The following FAT2 variants were observed in gnomAD, a reference collection of about 807,000 sequenced individuals.
The protein encoded by FAT2 is FAT atypical cadherin 2.
FAT2 carries 150 observed loss-of-function variants against 295.3 expected under a neutral mutation model. The observed-to-expected ratio is 0.51, with a 90% CI of 0.44 to 0.58. The LOEUF (loss-of-function observed/expected upper bound fraction) is 0.58, where lower values mean the gene tolerates loss of function less well. FAT2 is among the 20% of genes least tolerant of loss of function. The pLI, the probability that FAT2 is intolerant of heterozygous loss-of-function variation, is 0.00. For synonymous variants in FAT2, 2,026 were observed against 2,150.3 expected (o/e 0.94, Z 1.60); for missense variants, 4,868 against 5,442.7 (o/e 0.89, Z 3.32).
rs776586109 is a variant in FAT2 at position 151,512,178 on chromosome 5, C to T, written c.11892G>A (p.Trp3964Ter). The change falls in exon 21 of 24, where the codon TGG (tryptophan) becomes TGA (stop). Residue 3964 changes from tryptophan (W) to a stop codon, truncating the protein, a stop_gained. Coordinates refer to ENST00000261800, the MANE Select transcript of FAT2 (RefSeq NM_001447.3). LOFTEE classifies it high-confidence loss of function. The surrounding 1 kb of genome is among the most constrained non-coding windows in gnomAD (Gnocchi z 4.1). ...CCCAGCCCTCACCTGCCCCATGGGT[C>T]CATGAGCACTTCCCACCATTGAGGC... ...NTCLNGGKCSWTHGAGYVCKC... is the reference protein window; with the variant it reads ...NTCLNGGKCS 6.2e-6 allele frequency: 10 copies of T among 1,613,324 alleles called. No homozygotes were observed. Among genetic ancestry groups the T allele is most frequent in the Non-Finnish European group, 8.5e-6 (10 of 1,179,416 alleles).
rs142781014 is a variant in FAT2, at chr5:151,566,484, G to A, written c.2448C>T (p.Asn816=). 1,023 of 1,613,866 alleles carry A rather than the reference G, an allele frequency of 6.3e-4. 2 individuals are homozygous for A. Among genetic ancestry groups the A allele is most frequent in the Non-Finnish European group, 6.4e-4 (761 of 1,179,926 alleles). The change falls in exon 2 of 24, where the codon AAC becomes AAT. Residue 816 remains asparagine (N), a synonymous_variant. Coordinates refer to ENST00000261800, the MANE Select transcript of FAT2 (RefSeq NM_001447.3). The part of the protein sequence containing the change: ...LTVNVKDWND[N]APRFPPGGYQ... The stretch of plus-strand genomic sequence containing the variant: ...ACCCACCGGGAGGAAATCTGGGTGC[G>A]TTGTCATTCCAGTCTTTCACATTCA...
Position 151,568,097 on chromosome 5 carries a change from C to T in FAT2, c.835G>A (p.Ala279Thr), listed in dbSNP as rs1561877937. 6.2e-7 allele frequency: 1 copy of T among 1,614,192 alleles called. No homozygotes were observed. Residue 279 changes from alanine (A) to threonine (T), a missense_variant, in exon 2 of 24, where the codon GCA (alanine) becomes ACA (threonine). Physicochemically the swap from Ala to Thr is moderately conservative, Grantham distance 58. Coordinates refer to ENST00000261800, the MANE Select transcript of FAT2 (RefSeq NM_001447.3). Reference sequence around the variant, plus strand: ...TCCACTTCAGCTCCTGAGCTATTTGCATCGACCAGTACAGTGGCATAGGTG... The same window carrying T: ...TCCACTTCAGCTCCTGAGCTATTTGTATCGACCAGTACAGTGGCATAGGTG... Reference protein sequence around the residue: ...GTTYATVLVDANSSGAEVESV... With the variant: ...GTTYATVLVDTNSSGAEVESV...
rs760082826 is a variant in FAT2, at chr5:151,542,935, G to A, written c.8192C>T (p.Thr2731Ile). 3 of 1,614,228 alleles carry A rather than the reference G, an allele frequency of 1.9e-6. No individual in the cohort carries two copies. Among genetic ancestry groups the A allele is most frequent in the Middle Eastern group, 1.6e-4 (1 of 6,062 alleles). ...PVIYSLVRGT[T>I]PESNKDGVFS... is the part of the protein sequence containing the mutation. ...GACACCATCCTTGTTGCTCTCAGGT[G>A]TAGTGCCCCGCACTAGACTGTAGAT... The change falls in exon 10 of 24, where the codon ACA (threonine) becomes ATA (isoleucine). Residue 2731 changes from threonine (T) to isoleucine (I), a missense_variant. Thr to Ile is a moderately conservative substitution (Grantham distance 89). Coordinates refer to ENST00000261800, the MANE Select transcript of FAT2 (RefSeq NM_001447.3).
intron 15 of FAT2, among the ~76,000 whole-genome samples, chr5:151,528,640 G>A (rs1204341603): frequency 1.3e-5 from 2 of 152,184 alleles, no homozygotes; most frequent in Non-Finnish European, 2.9e-5. Flanking sequence ...ATATTCCTGT[G>A]TGGTTGGAGC....
Position 151,529,330 on chromosome 5 carries a change from C to G in FAT2, c.9874G>C (p.Glu3292Gln), listed in dbSNP as rs2127588788. The part of the protein sequence containing the change: ...ETSPKYFLSI[E>Q]CSRKSSSSLS... ...GAAGAGGAGCTCTTCCGGCTGCACT[C>G]AATGGACAGGAAGTACTTGGGGCTT... is the stretch of plus-strand genomic sequence containing the variant. The change falls in exon 15 of 24, where the codon GAG becomes CAG. Residue 3292 changes from glutamate (E) to glutamine (Q), a missense_variant. Coordinates refer to ENST00000261800, the MANE Select transcript of FAT2 (RefSeq NM_001447.3). The G allele has an allele frequency of 1.2e-6, 2 of 1,614,126 alleles. No homozygotes were observed. Among genetic ancestry groups the G allele is most frequent in the East Asian group, 2.2e-5 (1 of 44,868 alleles).
chr5:151,527,673 C>A (rs553721522), intron 16 of FAT2, among the ~76,000 whole-genome samples: 8 of 152,198 alleles, frequency 5.3e-5, no homozygotes, highest in African/African-American at 1.7e-4. Context: ...GGCATAAATC[C>A]TTATAAAACA....
Position 151,508,315 on chromosome 5 carries a change from A to G in FAT2, c.12060-704T>C, listed in dbSNP as rs1761051192. ...TCCCCAAGGTCCTCTTTTAAAATGC[A>G]GACACCACTTTCAGCTGTGAAATGT... On this transcript the variant is annotated intron_variant, in intron 22 of 23. Transcript: ENST00000261800. Among the ~76,000 whole-genome samples, 3 of 152,342 alleles carry G rather than the reference A, an allele frequency of 2.0e-5. No homozygotes were observed. In the South Asian group the frequency reaches 6.2e-4, roughly 32 times the overall value.
In FAT2 at chr5:151,550,794, G is replaced by A. The variant is rs763256986; in HGVS notation, c.4374C>T (p.Pro1458=). Residue 1458 remains proline, a synonymous_variant, in exon 8 of 24, where the codon CCC becomes CCT. Transcript: ENST00000261800. ...FLETRYEVRV[P]QDTVPGVELL... is the part of the protein sequence containing the mutation. ...GCTCTACCCCTGGCACGGTGTCCTG[G>A]GGAACTCTGACTTCATAACGAGTTT... is the stretch of plus-strand genomic sequence containing the variant. The A allele has an allele frequency of 2.9e-5, 47 of 1,613,980 alleles. No individual in the cohort carries two copies. In the South Asian group the frequency reaches 5.2e-4, roughly 18 times the overall value.
Position 151,566,067 on chromosome 5 carries a change from G to A in FAT2, c.2865C>T (p.Gly955=), listed in dbSNP as rs759157724. 1 of 1,614,152 alleles carries A rather than the reference G, an allele frequency of 6.2e-7. No individual in the cohort carries two copies. ...TFLDASDPDL[G]PAGEVRYVLM... ...GAACATATCGCACTTCACCTGCGGGGCCCAGGTCAGGATCAGAGGCATCCA... is the reference window on the plus strand; with the variant it reads ...GAACATATCGCACTTCACCTGCGGGACCCAGGTCAGGATCAGAGGCATCCA... Residue 955 remains glycine, a synonymous_variant, in exon 2 of 24, where the codon GGC becomes GGT. Coordinates refer to ENST00000261800, the MANE Select transcript of FAT2 (RefSeq NM_001447.3).
Position 151,528,002 on chromosome 5 carries a change from C to T in FAT2, c.10158G>A (p.Arg3386=), listed in dbSNP as rs897436703. 1.2e-6 allele frequency: 2 copies of T among 1,613,940 alleles called. No individual in the cohort carries two copies. The highest frequency in any genetic ancestry group is 1.7e-5 in the Admixed American group (1 of 59,998). ...CCCCTCCCACATGACTCACCTGTTC[C>T]CGGTCCAGGGCCTTGGCCACCTGTA... ...GELQVAKALD[R]EQASSYSLKL... is the part of the protein sequence containing the mutation. Residue 3386 remains arginine (R), a synonymous_variant, in exon 16 of 24, where the codon CGG becomes CGA. Coordinates refer to ENST00000261800, the MANE Select transcript of FAT2 (RefSeq NM_001447.3).
intron 23 of FAT2, among the ~76,000 whole-genome samples, chr5:151,506,938 C>A (rs1289911959): frequency 1.3e-5 from 2 of 152,198 alleles, no homozygotes; most frequent in Non-Finnish European, 2.9e-5. Context: ...CATGGAGTGA[C>A]TTGGAATTTA....
In FAT2 at chr5:151,528,146, A is replaced by G. The variant is rs770301701; in HGVS notation, c.10027-13T>C. On this transcript the variant is annotated splice_polypyrimidine_tract_variant and intron_variant, in intron 15 of 23. Transcript: ENST00000261800. ...CAGTCGCTGATACCTGCGGTGGGGT[A>G]GGGGGATTGTGAATGGAGGGACAGG... is the stretch of plus-strand genomic sequence containing the variant. The G allele has an allele frequency of 1.3e-5, 21 of 1,612,666 alleles. No homozygotes were observed. The highest frequency in any genetic ancestry group is 3.3e-5 in the Admixed American group (2 of 59,942).
At position 151,570,976 on chromosome 5, in the gene FAT2, C is replaced by T. The variant is rs1475887849; in HGVS notation, c.-20-2025G>A. Among the ~76,000 whole-genome samples the T allele has an allele frequency of 8.5e-5, 13 of 152,218 alleles. No homozygotes were observed. In the East Asian group the frequency reaches 2.5e-3, roughly 29 times the overall value. On this transcript the variant is annotated intron_variant, in intron 1 of 23. Coordinates refer to ENST00000261800, the MANE Select transcript of FAT2 (RefSeq NM_001447.3). The stretch of plus-strand genomic sequence containing the variant: ...CAGAAAATAATTTCAATATGTCCCA[C>T]CCTTCGAGCTTCCCTACCACCCGCC...
At position 151,545,456 on chromosome 5, in the gene FAT2, G is replaced by T. The variant is rs764071826; in HGVS notation, c.5671C>A (p.Leu1891Ile). 1 of 1,614,180 alleles carries T rather than the reference G, an allele frequency of 6.2e-7. No individual in the cohort carries two copies. The highest frequency in any genetic ancestry group is 8.5e-7 in the Non-Finnish European group (1 of 1,180,028). ...IVGPIHPGME[L>I]LMVRASDEDS... ...TCATCGCTGGCCCGCACCATGAGAA[G>T]CTCCATGCCTGGATGGATAGGCCCG... Residue 1891 changes from leucine to isoleucine, a missense_variant, in exon 10 of 24, where the codon CTT (leucine) becomes ATT (isoleucine). Leu to Ile is a conservative substitution (Grantham distance 5). Around this residue, in one of 5 missense-constraint regions of FAT2, gnomAD observed 3,297 missense variants for 3,669.4 expected, o/e 0.90. Transcript: ENST00000261800.
rs1380010933 is a variant in FAT2, at chr5:151,567,564, G to C, written c.1368C>G (p.Pro456=). ...CATCATAGGAAGACCTGTTGAAGAG[G>C]GGGGCATGGTTGTTGCAGTCCACAA... ...IDIVDCNNHA[P]LFNRSSYDGT... Residue 456 remains proline, a synonymous_variant, in exon 2 of 24, where the codon CCC becomes CCG. Transcript: ENST00000261800. The C allele has an allele frequency of 1.2e-6, 2 of 1,614,158 alleles. No individual in the cohort carries two copies. The highest frequency in any genetic ancestry group is 1.7e-5 in the Admixed American group (1 of 60,022).
Position 151,571,475 on chromosome 5 carries a change from C to T in FAT2, c.-20-2524G>A, listed in dbSNP as rs143396919. On this transcript the variant is annotated intron_variant, in intron 1 of 23. Coordinates refer to ENST00000261800, the MANE Select transcript of FAT2 (RefSeq NM_001447.3). Reference sequence around the variant, plus strand: ...GCAGGCCCCAGCAAGATACTCTGCTCGATGGCTGCACCGGTGCCTTGCAAT... The same window carrying T: ...GCAGGCCCCAGCAAGATACTCTGCTTGATGGCTGCACCGGTGCCTTGCAAT... Among the ~76,000 whole-genome samples, 102 of 152,330 alleles carry T rather than the reference C, an allele frequency of 6.7e-4. 2 individuals are homozygous for T. The highest frequency in any genetic ancestry group is 2.3e-3 in the African/African-American group (96 of 41,570).
At position 151,528,687 on chromosome 5, in the gene FAT2, T is replaced by C. The variant is rs1047264145; in HGVS notation, c.10026+491A>G. On this transcript the variant is annotated intron_variant, in intron 15 of 23. Coordinates refer to ENST00000261800, the MANE Select transcript of FAT2 (RefSeq NM_001447.3). ...CATAGCAGGGAGTGGAGGGAGAGAC[T>C]GGAAGGTGGGATGAAGAGTGTGGGA... 3.9e-5 allele frequency among the ~76,000 whole-genome samples: 6 copies of C among 152,250 alleles called. No individual in the cohort carries two copies. In the South Asian group the frequency reaches 1.2e-3, roughly 32 times the overall value.
chr5:151,581,425 G>A (rs1758952357), intron 1 of FAT2, among the ~76,000 whole-genome samples: 1 of 152,158 alleles, frequency 6.6e-6, no homozygotes, highest in Non-Finnish European at 1.5e-5. Context: ...TCATTTCATG[G>A]AGACTAGTCC....
Position 151,531,999 on chromosome 5 carries a change from C to T in FAT2, c.9428-29G>A, listed in dbSNP as rs73272078. On this transcript the variant is annotated intron_variant, in intron 13 of 23. Transcript: ENST00000261800. This position sits in a 1 kb window ranked among gnomAD's most constrained non-coding sequence, Gnocchi z 5.7. ...GCAGGGAGACCAAGGGTGTGATCCACACTGAGGGCGCCTCCTCTGGACCTG... is the reference window on the plus strand; with the variant it reads ...GCAGGGAGACCAAGGGTGTGATCCATACTGAGGGCGCCTCCTCTGGACCTG... 571 of 1,609,428 alleles carry T rather than the reference C, an allele frequency of 3.5e-4. 4 individuals carry two copies. In the African/African-American group the frequency reaches 6.5e-3, roughly 18 times the overall value.
Sources: allele counts gnomAD v4.1 joint callset (sites outside exome capture counted in the v4.1 genomes callset), GRCh38; gene constraint gnomAD v4.1.1; regional missense constraint gnomAD v4.1.1; non-coding constraint Gnocchi (gnomAD v3.1); transcripts MANE v1.5; gene names NCBI Gene and HGNC (gene_info 2026-07-23, HGNC 2026-07-21).